DOCK1: variants seen among roughly 807,000 people sequenced by gnomAD.
DOCK1 encodes dedicator of cytokinesis protein 1.
DOCK1 carries 138 observed loss-of-function variants against 262.7 expected under a neutral mutation model. The observed-to-expected ratio is 0.53, with a 90% CI of 0.46 to 0.61. DOCK1 has a LOEUF of 0.61. Ranked by LOEUF, DOCK1 falls within the 20% of genes least tolerant of loss-of-function variation. The pLI, the probability that DOCK1 is intolerant of heterozygous loss-of-function variation, is 0.00. For missense variants in DOCK1, 1,908 were observed against 2,370.7 expected (o/e 0.80, Z 4.05); for synonymous variants, 866 against 867.4 (o/e 1.00, Z 0.03).
chr10:127,179,213 G>C (rs1363481808), intron 27 of DOCK1, among the ~76,000 whole-genome samples: 1 of 152,168 alleles, frequency 6.6e-6, no homozygotes, highest in Non-Finnish European at 1.5e-5. Flanking sequence ...ACATCAGTTG[G>C]CTGGGGTAAG....
At chr10:127,117,287 G>A (rs2049247326) in intron 25 of DOCK1, among the ~76,000 whole-genome samples, 1 of 152,160 alleles carries the variant, frequency 6.6e-6, no homozygotes, top group Admixed American at 6.5e-5. Flanking sequence ...GCTCAGATAA[G>A]GACACCAGAG....
At chr10:126,912,727 G>A (rs1333105804) in intron 1 of DOCK1, among the ~76,000 whole-genome samples, 1 of 126,152 alleles carries the variant, frequency 7.9e-6, no homozygotes, top group Non-Finnish European at 1.6e-5. Flanking sequence ...CTCCATCTCG[G>A]AAAAAAAAAA....
At chr10:127,387,455 G>A (rs2066191558) in intron 38 of DOCK1, among the ~76,000 whole-genome samples, 1 of 152,178 alleles carries the variant, frequency 6.6e-6, no homozygotes, top group Admixed American at 6.5e-5. Flanking sequence ...ACGCGTGCAT[G>A]GTGGACTCAA....
At chr10:127,303,072 AAAG>A (rs1487927119) in intron 29 of DOCK1, among the ~76,000 whole-genome samples, 1 of 152,186 alleles carries the variant, frequency 6.6e-6, no homozygotes, top group Non-Finnish European at 1.5e-5. Flanking sequence ...TTAGCAGGAT[AAAG>A]AAGATTTTAC....
At chr10:127,121,915 A>G (rs1031032367) in intron 25 of DOCK1, among the ~76,000 whole-genome samples, 5 of 152,228 alleles carry the variant, frequency 3.3e-5, no homozygotes, top group Admixed American at 1.3e-4. Flanking sequence ...CAAGACACAC[A>G]CACTCATACC....
chr10:127,371,183 AT>A (rs1487762542), intron 33 of DOCK1, among the ~76,000 whole-genome samples: 4 of 152,258 alleles, frequency 2.6e-5, no homozygotes, highest in Non-Finnish European at 2.9e-5. Context: ...TAGCGAATCA[AT>A]TCGAGTGTAT....
intron 27 of DOCK1, among the ~76,000 whole-genome samples, chr10:127,211,519 T>G (rs2057974374): frequency 6.6e-6 from 1 of 152,232 alleles, no homozygotes; most frequent in Non-Finnish European, 1.5e-5. Flanking sequence ...ACCTGCTGTT[T>G]CACAGAGGAA....
At chr10:127,431,906 C>T (rs2069317116) in intron 47 of DOCK1, among the ~76,000 whole-genome samples, 1 of 152,188 alleles carries the variant, frequency 6.6e-6, no homozygotes, top group Non-Finnish European at 1.5e-5. Flanking sequence ...ACTGGGCCCA[C>T]AGCTGGAGGT....
intron 1 of DOCK1, among the ~76,000 whole-genome samples, chr10:126,970,236 TC>T (rs774290317): frequency 2.0e-5 from 3 of 152,192 alleles, no homozygotes; most frequent in Non-Finnish European, 4.4e-5. Context: ...CTTATCATTG[TC>T]AGTTTTAAGG....
chr10:126,954,643 A>G (rs1053175422), intron 1 of DOCK1, among the ~76,000 whole-genome samples: 2,785 of 152,254 alleles, frequency 0.018, 95 homozygotes, highest in African/African-American at 0.065. Flanking sequence ...GTCTCTATGC[A>G]AGTGACTACT....
intron 29 of DOCK1, among the ~76,000 whole-genome samples, chr10:127,272,371 T>A (rs1273883320): frequency 6.6e-6 from 1 of 152,326 alleles, no homozygotes; most frequent in Non-Finnish European, 1.5e-5. Flanking sequence ...CTCTTCTTCA[T>A]GCTCAAACCT....
intron 38 of DOCK1, among the ~76,000 whole-genome samples, chr10:127,400,797 A>G (rs1323216654): frequency 6.6e-6 from 1 of 152,158 alleles, no homozygotes; most frequent in African/African-American, 2.4e-5. Flanking sequence ...ACCCCCAGTC[A>G]TGCCTCTCCT....
chr10:127,240,716 T>G (rs1397676893), intron 27 of DOCK1, among the ~76,000 whole-genome samples: 2 of 152,296 alleles, frequency 1.3e-5, no homozygotes, highest in Admixed American at 1.3e-4. Flanking sequence ...CCCCGCCCCC[T>G]TAATCTTAAA....
intron 38 of DOCK1, 25 bp downstream of exon 38, chr10:127,384,934 T>C (rs768530808): frequency 6.4e-7 from 1 of 1,561,000 alleles, no homozygotes; most frequent in Admixed American, 2.0e-5. Context: ...GCAATTGTCC[T>C]TGTTTTCCTC....
intron 1 of DOCK1, among the ~76,000 whole-genome samples, chr10:126,962,190 G>A (rs1185502036): frequency 7.0e-6 from 1 of 143,660 alleles, no homozygotes; most frequent in Non-Finnish European, 1.5e-5. Flanking sequence ...ATGGAGTTTC[G>A]CTCTTGTTGC....
rs142182142 is a variant in DOCK1 at position 127,175,720 on chromosome 10, C to T, written c.2847+47956C>T. 1.4e-3 allele frequency: 2,179 copies of T among 1,613,974 alleles called. 6 individuals are homozygous for T. The highest frequency in any genetic ancestry group is 7.6e-3 in the African/African-American group (567 of 75,028). ...CTCCCCCGGTCCTGCTTGGCCCTCC[C>T]GAGCAGCTGGTAATCGGGCTCTTCG... is the stretch of plus-strand genomic sequence containing the variant. On this transcript the variant is annotated intron_variant, in intron 27 of 51. Transcript: ENST00000623213. This position sits in a 1 kb window ranked among gnomAD's most constrained non-coding sequence, Gnocchi z 6.3.
chr10:127,425,188 G>C (rs1434600513), intron 46 of DOCK1, among the ~76,000 whole-genome samples: 1 of 152,130 alleles, frequency 6.6e-6, no homozygotes, highest in African/African-American at 2.4e-5. Context: ...CCAAGCCCTG[G>C]GGGGAAGCAG....
Position 127,175,121 on chromosome 10 carries a change from A to T in DOCK1, c.2847+47357A>T. ...ACCTGTTTACGGAAATGCTGGCTTT[A>T]GTCTCATTACAGACTTGGGTTTGGG... On this transcript the variant is annotated intron_variant, in intron 27 of 51. Coordinates refer to ENST00000623213, the MANE Select transcript of DOCK1 (RefSeq NM_001290223.2). The surrounding 1 kb of genome is among the most constrained non-coding windows in gnomAD (Gnocchi z 6.3). The T allele has an allele frequency of 9.0e-7, 1 of 1,108,274 alleles. No homozygotes were observed. Among genetic ancestry groups the T allele is most frequent in the Non-Finnish European group, 1.3e-6 (1 of 756,584 alleles). The allele number at this position is 1,108,274 out of a possible 1,614,324, so 68.7% of individuals were successfully genotyped here. A position where few individuals can be genotyped will look rare whatever the true frequency, so the allele number is the denominator to read the frequency against.
At chr10:126,922,542 G>A (rs1425930406) in intron 1 of DOCK1, among the ~76,000 whole-genome samples, 3 of 152,110 alleles carry the variant, frequency 2.0e-5, no homozygotes, top group Non-Finnish European at 4.4e-5. Flanking sequence ...AGGATGGTGC[G>A]AAGCCATTCC....
Sources: gnomAD v4.1 joint callset for allele counts (sites outside exome capture counted in the v4.1 genomes callset) on GRCh38, gnomAD v4.1.1 for gene constraint, Gnocchi (gnomAD v3.1) non-coding constraint, MANE v1.5 for transcripts, NCBI Gene and HGNC (gene_info 2026-07-23, HGNC 2026-07-21) for gene names.